USP44: variants seen among roughly 807,000 people sequenced by gnomAD.
USP44 encodes ubiquitin specific peptidase 44.
Under a neutral mutation model 69.0 loss-of-function variants are expected in USP44, and 61 were observed. The observed-to-expected ratio is 0.88, with a 90% confidence interval of 0.72 to 1.09. The LOEUF is 1.09. USP44 is among the 50% of genes least tolerant of loss of function. USP44 has a pLI of 0.00. For missense variants in USP44, 753 were observed against 849.9 expected, an observed-to-expected ratio of 0.89 and a Z score of 1.42; for synonymous variants, 297 against 295.4, an observed-to-expected ratio of 1.01 and a Z score of -0.06.
chr12:95,533,417 A>G lies in USP44; in HGVS notation c.840T>C (p.Asn280=). Residue 280 remains asparagine (N), a synonymous_variant, in exon 2 of 6, where the codon AAT becomes AAC. Coordinates refer to ENST00000258499, the MANE Select transcript of USP44 (RefSeq NM_032147.5). ...PGVTGLRNLG[N]TCYMNSVLQV... ...GAAGAACAGAATTCATATAGCAAGTATTTCCCAAATTTCTCAATCCTGTTA... is the reference window on the plus strand; with the variant it reads ...GAAGAACAGAATTCATATAGCAAGTGTTTCCCAAATTTCTCAATCCTGTTA... 1 of 1,613,860 alleles carries G rather than the reference A, an allele frequency of 6.2e-7. No homozygotes were observed. The highest frequency in any genetic ancestry group is 8.5e-7 in the Non-Finnish European group (1 of 1,179,806).
intron 4 of USP44, among the ~76,000 whole-genome samples, chr12:95,523,738 G>A (rs1435529446): frequency 1.3e-5 from 2 of 148,856 alleles, no homozygotes; most frequent in Non-Finnish European, 3.0e-5. Flanking sequence ...GAACAATAAG[G>A]TAACACTATA....
In USP44 at chr12:95,536,088, G is replaced by C. The variant is rs575625527; in HGVS notation, c.-70-1762C>G. Among the ~76,000 whole-genome samples, 3 of 124,618 alleles carry C rather than the reference G, an allele frequency of 2.4e-5. No homozygotes were observed. In the South Asian group the frequency reaches 7.6e-4, roughly 31 times the overall value. 81.8% of individuals were successfully genotyped at this position (124,618 alleles called of 152,430 possible). On this transcript the variant is annotated intron_variant, in intron 1 of 5. Coordinates refer to ENST00000258499, the MANE Select transcript of USP44 (RefSeq NM_032147.5). The stretch of plus-strand genomic sequence containing the variant: ...GATAGGGTCTTGTTCTGTCACCTAA[G>C]CTGGACTGCAGTGGTGCAGTCTCAG...
intron 4 of USP44, among the ~76,000 whole-genome samples, chr12:95,523,333 G>C (rs2076727725): frequency 6.6e-6 from 1 of 152,144 alleles, no homozygotes; most frequent in African/African-American, 2.4e-5. Context: ...GTCTGAAGTG[G>C]GGGTCAGTCT....
Position 95,533,458 on chromosome 12 carries a change from T to C in USP44, c.799A>G (p.Ile267Val), listed in dbSNP as rs191839553. 3.7e-5 allele frequency: 60 copies of C among 1,614,212 alleles called. No individual in the cohort carries two copies. The South Asian group carries it at 4.4e-4, about 12-fold the overall frequency. The change falls in exon 2 of 6, where the codon ATA becomes GTA. Residue 267 changes from isoleucine to valine, a missense_variant. Coordinates refer to ENST00000258499, the MANE Select transcript of USP44 (RefSeq NM_032147.5). ...AATCCTGTTACACCAGGAGTTACTA[T>C]TGGCCTTCGTTTAACTGAGGAGTCA... The part of the protein sequence containing the change: ...VSDSSVKRRP[I>V]VTPGVTGLRN...
Position 95,533,301 on chromosome 12 carries a change from C to T in USP44, c.956G>A (p.Arg319Lys), listed in dbSNP as rs767671613. ...WLAMTASEKT[R>K]SCKHPPVTDT... The stretch of plus-strand genomic sequence containing the variant: ...TGTGACTGGTGGATGCTTACAAGAT[C>T]TTGTCTTCTCGCTAGCAGTCATAGC... The change falls in exon 2 of 6, where the codon AGA becomes AAA. Residue 319 changes from arginine (R) to lysine (K), a missense_variant. Arg to Lys is a conservative substitution (Grantham distance 26). Transcript: ENST00000258499. 10 of 1,614,086 alleles carry T rather than the reference C, an allele frequency of 6.2e-6. No individual in the cohort carries two copies. In the South Asian group the frequency reaches 1.1e-4, roughly 18 times the overall value.
chr12:95,539,311 C>G (rs527900039), intron 1 of USP44, among the ~76,000 whole-genome samples: 6 of 151,624 alleles, frequency 4.0e-5, no homozygotes, highest in African/African-American at 1.5e-4. Flanking sequence ...CTGCAAGCTC[C>G]GCCTCCTGGG....
At chr12:95,550,859 T>G (rs1283553773) in intron 1 of USP44, among the ~76,000 whole-genome samples, 1 of 152,166 alleles carries the variant, frequency 6.6e-6, no homozygotes. Flanking sequence ...ATAAAATGCC[T>G]TAATACAATG....
In USP44 at chr12:95,537,552, C is replaced by T. The variant is rs546813239; in HGVS notation, c.-70-3226G>A. On this transcript the variant is annotated intron_variant, in intron 1 of 5. Transcript: ENST00000258499. Reference sequence around the variant, plus strand: ...CAGGCTAGTCTTGAGCTCCCGACCTCGTGACCTGCCTGCCTTGGCCTCCCA... The same window carrying T: ...CAGGCTAGTCTTGAGCTCCCGACCTTGTGACCTGCCTGCCTTGGCCTCCCA... Among the ~76,000 whole-genome samples the T allele has an allele frequency of 3.9e-4, 59 of 152,196 alleles. 1 individual carries two copies. In the South Asian group the frequency reaches 0.011, roughly 28 times the overall value.
At position 95,533,596 on chromosome 12, in the gene USP44, G is replaced by A; in HGVS notation, c.661C>T (p.Gln221Ter). 1.2e-6 allele frequency: 2 copies of A among 1,613,802 alleles called. No homozygotes were observed. The highest frequency in any genetic ancestry group is 8.5e-7 in the Non-Finnish European group (1 of 1,180,022). Reference protein sequence around the residue: ...RKSLRLQGLAQSTIIEIVSVQ... With the variant: ...RKSLRLQGLA The stretch of plus-strand genomic sequence containing the variant: ...GAAACTATTTCTATTATGGTCGACT[G>A]AGCGAGCCCTTGTAAACGTAAACTC... Residue 221 changes from glutamine to a stop codon, truncating the protein, a stop_gained, in exon 2 of 6, where the codon CAG becomes TAG. Transcript: ENST00000258499. LOFTEE classifies it high-confidence loss of function.
At chr12:95,523,557 C>T (rs2076734467) in intron 4 of USP44, among the ~76,000 whole-genome samples, 1 of 152,010 alleles carries the variant, frequency 6.6e-6, no homozygotes, top group Non-Finnish European at 1.5e-5. Context: ...TTCGGTTTTT[C>T]CAATATCTCT....
At chr12:95,535,933 ACCT>A (rs2077182976) in intron 1 of USP44, among the ~76,000 whole-genome samples, 1 of 149,784 alleles carries the variant, frequency 6.7e-6, no homozygotes, top group Non-Finnish European at 1.5e-5. Context: ...GTTCCTTCCC[ACCT>A]CTTTTTGTAA....
rs2140407337 is a variant in USP44 at position 95,548,842 on chromosome 12, C to G, written c.-71+2430G>C. The G allele has an allele frequency of 6.6e-6, 1 of 152,152 alleles. No homozygotes were observed. The highest frequency in any genetic ancestry group is 2.4e-5 in the African/African-American group (1 of 41,532). The allele number at this position is 152,152 out of a possible 1,614,324, so 9.4% of individuals were successfully genotyped here. ...CCCCCCGGTTCGGCGGCCGCGACGA[C>G]CCGGTGCGGCGGCTACGACAGCCGT... On this transcript the variant is annotated intron_variant, in intron 1 of 5. Coordinates refer to ENST00000258499, the MANE Select transcript of USP44 (RefSeq NM_032147.5). The surrounding 1 kb of genome is among the most constrained non-coding windows in gnomAD (Gnocchi z 4.1).
At chr12:95,524,938 C>A in intron 3 of USP44, 150 bp from the exon 4 acceptor site, 2 of 675,558 alleles carry the variant, frequency 3.0e-6, no homozygotes, top group Non-Finnish European at 4.4e-6. Context: ...TGGGCTTTGC[C>A]CTCAAGAAAC....
At chr12:95,550,563 G>A (rs921907419) in intron 1 of USP44, among the ~76,000 whole-genome samples, 1 of 152,084 alleles carries the variant, frequency 6.6e-6, no homozygotes, top group African/African-American at 2.4e-5. Flanking sequence ...TAAAATTTAA[G>A]TATTTCTGGC....
At chr12:95,541,538 C>T (rs889689089) in intron 1 of USP44, among the ~76,000 whole-genome samples, 3 of 151,968 alleles carry the variant, frequency 2.0e-5, no homozygotes, top group Non-Finnish European at 2.9e-5. Context: ...CATGATGGTG[C>T]CACTGTACTG....
chr12:95,542,179 C>A (rs1592739426), intron 1 of USP44, among the ~76,000 whole-genome samples: 2 of 152,272 alleles, frequency 1.3e-5, no homozygotes, highest in South Asian at 4.1e-4. Flanking sequence ...CTATGCCCAG[C>A]CTTCTTTAAT....
chr12:95,529,467 G>T (rs1227115009), intron 2 of USP44, among the ~76,000 whole-genome samples: 2 of 151,000 alleles, frequency 1.3e-5, no homozygotes, highest in Non-Finnish European at 2.9e-5. Context: ...TCTGTCCCCA[G>T]TGCTAGGGTG....
At chr12:95,529,378 G>A (rs2769470) in intron 2 of USP44, among the ~76,000 whole-genome samples, 1 of 151,144 alleles carries the variant, frequency 6.6e-6, no homozygotes, top group South Asian at 2.1e-4. Flanking sequence ...CATGCATTAA[G>A]TTTAATGTAT....
rs1466779497 is a variant in USP44, at chr12:95,517,298, A to G, written c.*856T>C. ...CTTCAAGACTCTATTCCTTTGAACT[A>G]AAAAAAATACATAAAGTTTTAAGAG... On this transcript the variant is annotated 3_prime_UTR_variant, in exon 6 of 6. Transcript: ENST00000258499. The G allele has an allele frequency of 2.0e-5, 3 of 151,672 alleles. No individual in the cohort carries two copies. Among genetic ancestry groups the G allele is most frequent in the African/African-American group, 7.3e-5 (3 of 41,296 alleles). The allele number at this position is 151,672 out of a possible 1,614,324, so 9.4% of individuals were successfully genotyped here.
Sources: allele counts gnomAD v4.1 joint callset (sites outside exome capture counted in the v4.1 genomes callset), GRCh38; gene constraint gnomAD v4.1.1; non-coding constraint Gnocchi (gnomAD v3.1); transcripts MANE v1.5; gene names NCBI Gene and HGNC (gene_info 2026-07-23, HGNC 2026-07-21).